Variants in LHCGR observed in about 807,000 individuals in gnomAD.
LHCGR encodes the protein lutropin-choriogonadotropic hormone receptor.
LHCGR carries 55 observed loss-of-function variants against 60.7 expected under a neutral mutation model. The observed-to-expected ratio is 0.91, with a 90% CI of 0.73 to 1.13. The LOEUF is 1.13. Ranked by LOEUF, LHCGR falls within the 50% of genes most tolerant of loss-of-function variation. The pLI, the probability that LHCGR is intolerant of heterozygous loss-of-function variation, is 0.00. For missense variants in LHCGR, 862 were observed against 836.0 expected (o/e 1.03, Z -0.38); for synonymous variants, 337 against 316.5 (o/e 1.06, Z -0.69).
intron 1 of LHCGR, among the ~76,000 whole-genome samples, chr2:48,745,918 T>C (rs969005047): frequency 3.9e-5 from 6 of 151,958 alleles, no homozygotes; most frequent in Admixed American, 2.0e-4. Flanking sequence ...ACATACTCTA[T>C]GGAAAGGGTT....
intron 1 of LHCGR, among the ~76,000 whole-genome samples, chr2:48,738,374 C>A (rs1416361593): frequency 2.0e-5 from 3 of 152,178 alleles, no homozygotes; most frequent in African/African-American, 7.2e-5. Context: ...TTACACACTG[C>A]TACTCTTGGC....
intron 8 of LHCGR, among the ~76,000 whole-genome samples, chr2:48,704,398 C>T (rs1198358642): frequency 6.6e-6 from 1 of 152,174 alleles, no homozygotes; most frequent in Non-Finnish European, 1.5e-5. Flanking sequence ...ATGATGCTGG[C>T]CTCATAGAAT....
At chr2:48,712,068 C>T (rs963213544) in intron 7 of LHCGR, among the ~76,000 whole-genome samples, 10 of 151,890 alleles carry the variant, frequency 6.6e-5, no homozygotes, top group Admixed American at 3.9e-4. Flanking sequence ...TTCTGGCTGT[C>T]CTCTGCTTGG....
At chr2:48,703,060 C>G (rs550515459) in intron 8 of LHCGR, among the ~76,000 whole-genome samples, 5 of 152,272 alleles carry the variant, frequency 3.3e-5, no homozygotes, top group Admixed American at 2.6e-4. Context: ...GTTGGCTGAA[C>G]AAATGTCTTC....
chr2:48,702,715 A>G (rs188180571), intron 8 of LHCGR, among the ~76,000 whole-genome samples: 3 of 152,222 alleles, frequency 2.0e-5, no homozygotes, highest in Admixed American at 1.3e-4. Context: ...TAGTGCCGCA[A>G]TAAACATACG....
chr2:48,706,829 T>C (rs564289258), intron 8 of LHCGR, among the ~76,000 whole-genome samples: 1 of 152,306 alleles, frequency 6.6e-6, no homozygotes, highest in South Asian at 2.1e-4. Flanking sequence ...TTGTGATGGG[T>C]TAGAACATGC....
intron 1 of LHCGR, among the ~76,000 whole-genome samples, chr2:48,735,069 C>T (rs970045042): frequency 6.6e-6 from 1 of 152,230 alleles, no homozygotes; most frequent in African/African-American, 2.4e-5. Context: ...ACGCAGGTGG[C>T]ACCTTGCCCA....
chr2:48,755,352 G>A (rs540434636), intron 1 of LHCGR, among the ~76,000 whole-genome samples, 159 bp downstream of exon 1: 9 of 152,270 alleles, frequency 5.9e-5, no homozygotes, highest in South Asian at 4.1e-4. Flanking sequence ...CAAGTTTTGG[G>A]TTCTCATCAC....
At chr2:48,739,715 T>G (rs1274477570) in intron 1 of LHCGR, among the ~76,000 whole-genome samples, 9 of 151,892 alleles carry the variant, frequency 5.9e-5, no homozygotes, top group Non-Finnish European at 1.3e-4. Flanking sequence ...TAATGTTAAA[T>G]GACGAGTTAA....
chr2:48,741,702 G>T (rs1160045292), intron 1 of LHCGR, among the ~76,000 whole-genome samples: 1 of 151,496 alleles, frequency 6.6e-6, no homozygotes. Flanking sequence ...CGCTAAACAT[G>T]GAAAGGAACA....
intron 1 of LHCGR, among the ~76,000 whole-genome samples, chr2:48,735,525 C>A (rs1334509858): frequency 6.6e-6 from 1 of 152,190 alleles, no homozygotes; most frequent in African/African-American, 2.4e-5. Flanking sequence ...TGTATCTCTA[C>A]CCCTTAGGGA....
chr2:48,700,971 G>A (rs1012268462), intron 8 of LHCGR, among the ~76,000 whole-genome samples: 3 of 152,198 alleles, frequency 2.0e-5, no homozygotes, highest in African/African-American at 7.2e-5. Context: ...TAGACAGAGT[G>A]AGAACTGGAC....
intron 1 of LHCGR, among the ~76,000 whole-genome samples, chr2:48,751,296 C>G (rs1370390505): frequency 6.6e-6 from 1 of 152,122 alleles, no homozygotes; most frequent in Non-Finnish European, 1.5e-5. Flanking sequence ...TCAAAGCTCT[C>G]TAATAACTTT....
chr2:48,687,773 T>G lies in LHCGR; in HGVS notation c.2024A>C (p.Gln675Pro). 4 of 1,614,120 alleles carry G rather than the reference T, an allele frequency of 2.5e-6. No homozygotes were observed. The highest frequency in any genetic ancestry group is 1.6e-4 in the Middle Eastern group (1 of 6,062). The part of the protein sequence containing the change: ...NGFTGSNKPS[Q>P]STLKLSTLHC... ...CAATGTGGACAACTTCAAGGTGGAT[T>G]GAGAAGGCTTATTTGATCCAGTGAA... The change falls in exon 11 of 11, where the codon CAA (glutamine) becomes CCA (proline). Residue 675 changes from glutamine to proline, a missense_variant. Transcript: ENST00000294954.
At chr2:48,752,504 A>G (rs1292634918) in intron 1 of LHCGR, among the ~76,000 whole-genome samples, 4 of 149,822 alleles carry the variant, frequency 2.7e-5, no homozygotes, top group African/African-American at 9.9e-5. Context: ...TCCTCCTGGA[A>G]GACTTACCTC....
At chr2:48,707,230 G>C (rs1572841203) in intron 8 of LHCGR, among the ~76,000 whole-genome samples, 3 of 152,362 alleles carry the variant, frequency 2.0e-5, no homozygotes, top group African/African-American at 7.2e-5. Context: ...AGAGGCTGCA[G>C]GACAGCAAGT....
At chr2:48,750,170 G>A (rs1669898837) in intron 1 of LHCGR, among the ~76,000 whole-genome samples, 1 of 152,174 alleles carries the variant, frequency 6.6e-6, no homozygotes, top group African/African-American at 2.4e-5. Context: ...GCTGAGGGTA[G>A]GGCCAAGCTG....
rs149610749 is a variant in LHCGR at position 48,712,589 on chromosome 2, T to G, written c.605+1397A>C. On this transcript the variant is annotated intron_variant, in intron 7 of 10. Coordinates refer to ENST00000294954, the MANE Select transcript of LHCGR (RefSeq NM_000233.4). ...TTCACCCCATGATAGGAGAACAACT[T>G]AAAAAATTCTACAATTTCTTGAACA... 1.4e-4 allele frequency among the ~76,000 whole-genome samples: 21 copies of G among 152,206 alleles called. No homozygotes were observed. The East Asian group carries it at 4.0e-3, about 29-fold the overall frequency.
chr2:48,745,525 A>G (rs7567969), intron 1 of LHCGR, among the ~76,000 whole-genome samples: 89,895 of 151,790 alleles, frequency 0.59, 27,562 homozygotes, highest in African/African-American at 0.74. Context: ...CATAAAAAAT[A>G]ATGAGTTCAC....
Sources: allele counts gnomAD v4.1 joint callset (sites outside exome capture counted in the v4.1 genomes callset), GRCh38; gene constraint gnomAD v4.1.1; transcripts MANE v1.5; gene names NCBI Gene and HGNC (gene_info 2026-07-23, HGNC 2026-07-21).